Variants in TRAF3 observed in about 807,000 individuals in gnomAD.
The protein encoded by TRAF3 is TNF receptor associated factor 3.
A neutral mutation model predicts 62.3 loss-of-function variants in TRAF3; 13 were observed. That is an observed-to-expected ratio of 0.21 (90% CI 0.14 to 0.33). The LOEUF (loss-of-function observed/expected upper bound fraction) is 0.33, where lower values mean the gene tolerates loss of function less well. TRAF3 is among the 10% of genes least tolerant of loss of function. TRAF3 has a pLI of 1.00. For missense variants in TRAF3, 440 were observed against 741.8 expected, an observed-to-expected ratio of 0.59 and a Z score of 4.73; for synonymous variants, 269 against 283.4, an observed-to-expected ratio of 0.95 and a Z score of 0.51.
At chr14:102,865,327 G>A (rs1010844619) in intron 2 of TRAF3, among the ~76,000 whole-genome samples, 1 of 152,132 alleles carries the variant, frequency 6.6e-6, no homozygotes, top group African/African-American at 2.4e-5. Flanking sequence ...TGTTTAGAAA[G>A]CATATTTTCC....
chr14:102,875,275 A>C (rs1358339517), intron 4 of TRAF3, among the ~76,000 whole-genome samples: 1 of 152,200 alleles, frequency 6.6e-6, no homozygotes, highest in Middle Eastern at 3.2e-3. Context: ...AAGGCCCCAG[A>C]GTCTGAATGT....
chr14:102,848,970 T>C (rs1396468298), intron 2 of TRAF3, among the ~76,000 whole-genome samples: 1 of 152,198 alleles, frequency 6.6e-6, no homozygotes, highest in African/African-American at 2.4e-5. Flanking sequence ...TTTCCTTTTG[T>C]CTTTTTTATT....
Position 102,881,754 on chromosome 14 carries a change from A to G in TRAF3, c.571-4435A>G, listed in dbSNP as rs535750222. 4.6e-5 allele frequency among the ~76,000 whole-genome samples: 7 copies of G among 152,336 alleles called. No homozygotes were observed. In the South Asian group the frequency reaches 1.4e-3, roughly 32 times the overall value. The stretch of plus-strand genomic sequence containing the variant: ...CCTGGAACTTAAAATAAATAAATAT[A>G]TAGCTATCAAAGTTATATTTTGCTT... On this transcript the variant is annotated intron_variant, in intron 6 of 11. Transcript: ENST00000392745.
At chr14:102,821,965 C>T (rs1303807249) in intron 1 of TRAF3, among the ~76,000 whole-genome samples, 1 of 152,134 alleles carries the variant, frequency 6.6e-6, no homozygotes, top group African/African-American at 2.4e-5. Context: ...TTGCTTGAAC[C>T]CTGGAGGCGG....
intron 1 of TRAF3, among the ~76,000 whole-genome samples, chr14:102,800,536 C>T (rs1034402801): frequency 6.6e-6 from 1 of 152,180 alleles, no homozygotes; most frequent in African/African-American, 2.4e-5. Flanking sequence ...AGCCACAGTG[C>T]TGAAACCCCA....
intron 1 of TRAF3, among the ~76,000 whole-genome samples, chr14:102,788,822 CTG>C (rs1364675565): frequency 1.3e-5 from 2 of 151,708 alleles, no homozygotes; most frequent in Admixed American, 1.3e-4. Flanking sequence ...CAAAACAAAA[CTG>C]GGCACAGTGG....
Position 102,813,483 on chromosome 14 carries a change from C to T in TRAF3, c.-156-16851C>T, listed in dbSNP as rs1899325858. Among the ~76,000 whole-genome samples, 10 of 150,370 alleles carry T rather than the reference C, an allele frequency of 6.7e-5. No homozygotes were observed. In the South Asian group the frequency reaches 2.1e-3, roughly 32 times the overall value. ...CTTTTTTTTTTGAGACGGAGTCTCACTCTGTCACCCAGGCTGGAGTGCAGT... is the reference window on the plus strand; with the variant it reads ...CTTTTTTTTTTGAGACGGAGTCTCATTCTGTCACCCAGGCTGGAGTGCAGT... On this transcript the variant is annotated intron_variant, in intron 1 of 11. Coordinates refer to ENST00000392745, the MANE Select transcript of TRAF3 (RefSeq NM_145725.3).
chr14:102,820,586 A>T (rs1899845448), intron 1 of TRAF3, among the ~76,000 whole-genome samples: 1 of 5,778 alleles, frequency 1.7e-4, no homozygotes, highest in African/African-American at 7.8e-4. Flanking sequence ...ATATATATAT[A>T]TATATATATA....
chr14:102,892,703 C>T (rs1889791147), intron 9 of TRAF3, among the ~76,000 whole-genome samples: 1 of 152,190 alleles, frequency 6.6e-6, no homozygotes, highest in South Asian at 2.1e-4. Context: ...TAAATCCCAG[C>T]AATTTAAAAT....
Position 102,900,202 on chromosome 14 carries a change from AAGAC to A in TRAF3, c.960+2804_960+2807del, listed in dbSNP as rs1232556233. On this transcript the variant is annotated intron_variant, in intron 10 of 11. Coordinates refer to ENST00000392745, the MANE Select transcript of TRAF3 (RefSeq NM_145725.3). ...TCGGAAAAAAAAAAAAAAAAAAAAA[AAGAC>A]AGCCTAGGCCGGTAGGCCGGACACG... Among the ~76,000 whole-genome samples, 21 of 146,124 alleles carry A rather than the reference AAGAC, an allele frequency of 1.4e-4. No homozygotes were observed. In the South Asian group the frequency reaches 2.8e-3, roughly 20 times the overall value.
Position 102,905,506 on chromosome 14 carries a change from A to G in TRAF3, c.1429A>G (p.Ile477Val), listed in dbSNP as rs1205003742. ...GACGCACTTGTCGCTGTTTTTTGTC[A>G]TCATGCGTGGAGAATATGATGCCCT... ...KGTHLSLFFV[I>V]MRGEYDALLP... The change falls in exon 12 of 12, where the codon ATC becomes GTC. Residue 477 changes from isoleucine (I) to valine (V), a missense_variant. Ile to Val is a conservative substitution (Grantham distance 29). This residue lies in a region of TRAF3 where 59 missense variants were observed against 120.9 expected (regional missense o/e 0.49). Coordinates refer to ENST00000392745, the MANE Select transcript of TRAF3 (RefSeq NM_145725.3). 2.5e-6 allele frequency: 4 copies of G among 1,614,186 alleles called. No homozygotes were observed. The highest frequency in any genetic ancestry group is 1.3e-5 in the African/African-American group (1 of 75,054).
chr14:102,881,395 C>CAAAAAAAAAAAA (rs57546209), intron 6 of TRAF3, among the ~76,000 whole-genome samples: 4 of 117,426 alleles, frequency 3.4e-5, no homozygotes. Context: ...ACAACAAAAA[C>CAAAAAAAAAAAA]AAAAAAAAAA....
chr14:102,836,728 A>T (rs138522460), intron 2 of TRAF3, among the ~76,000 whole-genome samples: 2 of 152,370 alleles, frequency 1.3e-5, no homozygotes, highest in East Asian at 3.9e-4. Flanking sequence ...TTACAATCAA[A>T]GAAGTGTTAC....
chr14:102,890,491 G>A lies in TRAF3; in HGVS notation c.727-834G>A, dbSNP rs567369405. On this transcript the variant is annotated intron_variant, in intron 8 of 11. Coordinates refer to ENST00000392745, the MANE Select transcript of TRAF3 (RefSeq NM_145725.3). ...AAGACTGAGCCTCCCCTGTTCTGTC[G>A]TACGTAGTATCATTCATTCTCTCTG... Among the ~76,000 whole-genome samples, 7 of 152,126 alleles carry A rather than the reference G, an allele frequency of 4.6e-5. 1 individual carries two copies. The South Asian group carries it at 8.3e-4, about 18-fold the overall frequency.
chr14:102,840,476 C>A (rs962430145), intron 2 of TRAF3, among the ~76,000 whole-genome samples: 6 of 152,130 alleles, frequency 3.9e-5, no homozygotes, highest in African/African-American at 1.4e-4. Flanking sequence ...AGCAGTCCTC[C>A]CGTCTTAGCC....
At chr14:102,855,669 G>T (rs2139753939) in intron 2 of TRAF3, among the ~76,000 whole-genome samples, 1 of 152,040 alleles carries the variant, frequency 6.6e-6, no homozygotes, top group Non-Finnish European at 1.5e-5. Context: ...GGTGGCACCA[G>T]CCTGTAGTCC....
Position 102,886,269 on chromosome 14 carries a change from G to C in TRAF3, c.651G>C (p.Glu217Asp). 6.2e-7 allele frequency: 1 copy of C among 1,610,092 alleles called. No homozygotes were observed. Among genetic ancestry groups the C allele is most frequent in the Non-Finnish European group, 8.5e-7 (1 of 1,179,408 alleles). ...GCGTCCAGACTCTCCTGAGGAGCGA[G>C]GTAGGGGCGGCCGGGCCCGGCCGGG... is the stretch of plus-strand genomic sequence containing the variant. ...KCSVQTLLRS[E>D]LSAHLSECVN... The change falls in exon 7 of 12, where the codon GAG becomes GAC. Residue 217 changes from glutamate to aspartate, a missense_variant and splice_region_variant. Physicochemically the swap from Glu to Asp is conservative, Grantham distance 45 (BLOSUM62 2). Around this residue, in one of 6 missense-constraint regions of TRAF3, gnomAD observed 255 missense variants for 424.1 expected, o/e 0.60. Transcript: ENST00000392745.
intron 1 of TRAF3, among the ~76,000 whole-genome samples, chr14:102,788,755 G>A (rs1437299382): frequency 1.3e-5 from 2 of 151,838 alleles, no homozygotes; most frequent in East Asian, 1.9e-4. Flanking sequence ...CTGAGATCAC[G>A]CCACTGCACT....
At chr14:102,895,065 T>C in intron 9 of TRAF3, 1 of 455,794 alleles carries the variant, frequency 2.2e-6, no homozygotes. Flanking sequence ...CATGTCATCT[T>C]TTTGCAGGGA....
Sources: gnomAD v4.1 joint callset for allele counts (sites outside exome capture counted in the v4.1 genomes callset) on GRCh38, gnomAD v4.1.1 for gene constraint, gnomAD v4.1.1 regional missense constraint, MANE v1.5 for transcripts, NCBI Gene and HGNC (gene_info 2026-07-23, HGNC 2026-07-21) for gene names.